NFAT5: variants seen among roughly 807,000 people sequenced by gnomAD.
NFAT5 encodes nuclear factor of activated T-cells 5.
In NFAT5, 31 loss-of-function variants were observed where a neutral mutation model predicts 166.5. That is an observed-to-expected ratio of 0.19 (90% CI 0.14 to 0.25). NFAT5 has a LOEUF of 0.25. NFAT5 is among the 10% of genes least tolerant of loss of function. The pLI, the probability that NFAT5 is intolerant of heterozygous loss-of-function variation, is 1.00. For missense variants in NFAT5, 1,449 were observed against 1,821.8 expected (o/e 0.80, Z 3.72); for synonymous variants, 612 against 639.7 (o/e 0.96, Z 0.65).
chr16:69,700,954 T>TG lies in NFAT5; in HGVS notation c.*4603_*4604insG, dbSNP rs1257113024. On this transcript the variant is annotated 3_prime_UTR_variant, in exon 15 of 15. Coordinates refer to ENST00000349945, the MANE Select transcript of NFAT5 (RefSeq NM_138713.4). Reference sequence around the variant, plus strand: ...CCAGTGCTCTAGTTACTTTACTTCTTTTTTTTTTTTTGAGATGGAGTCTTG... The same window carrying TG: ...CCAGTGCTCTAGTTACTTTACTTCTTGTTTTTTTTTTTGAGATGGAGTCTTG... The TG allele has an allele frequency of 6.8e-6, 1 of 146,402 alleles. No individual in the cohort carries two copies. Among genetic ancestry groups the TG allele is most frequent in the Non-Finnish European group, 1.5e-5 (1 of 66,664 alleles). The allele number at this position is 146,402 out of a possible 1,614,324, so 9.1% of individuals were successfully genotyped here. A position where few individuals can be genotyped will look rare whatever the true frequency, so the allele number is the denominator to read the frequency against.
At chr16:69,634,402 T>A (rs1422263356) in intron 3 of NFAT5, among the ~76,000 whole-genome samples, 1 of 152,114 alleles carries the variant, frequency 6.6e-6, no homozygotes, top group Admixed American at 6.5e-5. Context: ...AATGACTATA[T>A]GAATAAAAGT....
intron 2 of NFAT5, among the ~76,000 whole-genome samples, chr16:69,588,776 A>G (rs979483976): frequency 2.6e-5 from 4 of 152,174 alleles, no homozygotes; most frequent in Non-Finnish European, 5.9e-5. Flanking sequence ...CCTTTGGAAA[A>G]ATCATTTTAG....
At chr16:69,610,036 T>A (rs2151554912) in intron 2 of NFAT5, among the ~76,000 whole-genome samples, 1 of 151,868 alleles carries the variant, frequency 6.6e-6, no homozygotes, top group Non-Finnish European at 1.5e-5. Flanking sequence ...AGAGCGAGTG[T>A]CTTGTTGAGT....
At chr16:69,633,750 TA>T (rs751621116) in intron 3 of NFAT5, among the ~76,000 whole-genome samples, 50 of 152,088 alleles carry the variant, frequency 3.3e-4, no homozygotes, top group Non-Finnish European at 3.4e-4. Context: ...ATAGAAGAAA[TA>T]AGTTCTAGTG....
chr16:69,620,567 C>T (rs978376693), intron 2 of NFAT5, among the ~76,000 whole-genome samples: 5 of 151,986 alleles, frequency 3.3e-5, no homozygotes, highest in African/African-American at 2.4e-5. Flanking sequence ...GACCGCGTCT[C>T]TACAAAAAAA....
chr16:69,626,019 A>G (rs2034442150), intron 2 of NFAT5, among the ~76,000 whole-genome samples: 1 of 148,578 alleles, frequency 6.7e-6, no homozygotes, highest in Non-Finnish European at 1.5e-5. Context: ...TGGCATGATC[A>G]TGGCTCACTG....
Position 69,697,924 on chromosome 16 carries a change from G to A in NFAT5, c.*1573G>A, listed in dbSNP as rs2037812170. On this transcript the variant is annotated 3_prime_UTR_variant, in exon 15 of 15. Transcript: ENST00000349945. ...AAAAAATAACCTGTTAATTGTTGAAGGCTACTTTTCTGTTCTTTTTTTTTT... is the reference window on the plus strand; with the variant it reads ...AAAAAATAACCTGTTAATTGTTGAAAGCTACTTTTCTGTTCTTTTTTTTTT... The A allele has an allele frequency of 6.8e-6, 1 of 147,662 alleles. No individual in the cohort carries two copies. The highest frequency in any genetic ancestry group is 2.5e-5 in the African/African-American group (1 of 40,176). 9.1% of individuals were successfully genotyped at this position (147,662 alleles called of 1,614,324 possible).
Position 69,691,748 on chromosome 16 carries a change from G to T in NFAT5, c.1924-1G>T. The T allele has an allele frequency of 6.3e-7, 1 of 1,584,808 alleles. No individual in the cohort carries two copies. Among genetic ancestry groups the T allele is most frequent in the South Asian group, 1.2e-5 (1 of 85,936 alleles). On this transcript the variant is annotated splice_acceptor_variant, in intron 12 of 14. Transcript: ENST00000349945. LOFTEE classifies it high-confidence loss of function. ...AATATTTGGGGATTTTTATTTTTTA[G>T]ACTACAAAGTCTGTTGGATCAACTC... is the stretch of plus-strand genomic sequence containing the variant.
At chr16:69,590,184 A>G (rs1416720197) in intron 2 of NFAT5, among the ~76,000 whole-genome samples, 10 of 152,152 alleles carry the variant, frequency 6.6e-5, no homozygotes. Context: ...AAATAATAAA[A>G]AAATAAATAA....
chr16:69,651,470 G>C (rs1225698830), intron 4 of NFAT5, among the ~76,000 whole-genome samples: 2 of 152,062 alleles, frequency 1.3e-5, no homozygotes, highest in Non-Finnish European at 2.9e-5. Flanking sequence ...AGCTGGAGGG[G>C]TAAACATTAG....
intron 3 of NFAT5, among the ~76,000 whole-genome samples, chr16:69,643,464 A>C (rs1439934621): frequency 6.6e-6 from 1 of 151,856 alleles, no homozygotes; most frequent in African/African-American, 2.4e-5. Flanking sequence ...TTCATGGTAA[A>C]TTTATGGATA....
chr16:69,668,306 T>C (rs1032240234), intron 7 of NFAT5, among the ~76,000 whole-genome samples: 2 of 152,182 alleles, frequency 1.3e-5, no homozygotes, highest in East Asian at 3.8e-4. Context: ...TGTTTATACA[T>C]TAACAATTTC....
rs367690345 is a variant in NFAT5 at position 69,573,233 on chromosome 16, A to AT, written c.127+4695dup. On this transcript the variant is annotated intron_variant, in intron 2 of 14. Coordinates refer to ENST00000349945, the MANE Select transcript of NFAT5 (RefSeq NM_138713.4). ...ATGAGTTAAGAGAAAATAAACTATG[A>AT]TTTTTTTTTTACTACTGCTAATCTA... 3.6e-3 allele frequency among the ~76,000 whole-genome samples: 543 copies of AT among 150,370 alleles called. 7 individuals are homozygous for AT. Among genetic ancestry groups the AT allele is most frequent in the African/African-American group, 0.012 (495 of 41,048 alleles).
intron 2 of NFAT5, among the ~76,000 whole-genome samples, chr16:69,623,817 T>C (rs1343897395): frequency 6.8e-6 from 1 of 146,032 alleles, no homozygotes; most frequent in Non-Finnish European, 1.5e-5. Flanking sequence ...TCAAGTCTTT[T>C]TTTTTCTTTT....
chr16:69,568,388 A>G (rs1005358599), intron 1 of NFAT5, 107 bp from the exon 2 acceptor site: 7,052 of 402,748 alleles, frequency 0.018, 189 homozygotes, highest in African/African-American at 0.087. Flanking sequence ...ATATATATAT[A>G]TATATACACA....
chr16:69,573,565 A>G (rs1345786457), intron 2 of NFAT5, among the ~76,000 whole-genome samples: 1 of 152,168 alleles, frequency 6.6e-6, no homozygotes, highest in African/African-American at 2.4e-5. Flanking sequence ...TGAAGTTCAA[A>G]CATGTCAAAA....
chr16:69,633,121 A>G (rs934407234), intron 3 of NFAT5, among the ~76,000 whole-genome samples: 2 of 152,220 alleles, frequency 1.3e-5, no homozygotes, highest in Admixed American at 6.5e-5. Flanking sequence ...GACATTGCCA[A>G]AAAGCAAACT....
chr16:69,621,221 T>C (rs1597414326), intron 2 of NFAT5, among the ~76,000 whole-genome samples: 1 of 152,046 alleles, frequency 6.6e-6, no homozygotes, highest in Admixed American at 6.6e-5. Context: ...TGTCTAATTC[T>C]TTCTTGTGCT....
intron 10 of NFAT5, among the ~76,000 whole-genome samples, chr16:69,684,616 C>T (rs947923366): frequency 3.3e-5 from 5 of 151,846 alleles, no homozygotes; most frequent in Non-Finnish European, 7.4e-5. Context: ...CTCCTGACCT[C>T]AAGTGATCAC....
Sources: allele counts gnomAD v4.1 joint callset (sites outside exome capture counted in the v4.1 genomes callset), GRCh38; gene constraint gnomAD v4.1.1; transcripts MANE v1.5; gene names NCBI Gene and HGNC (gene_info 2026-07-23, HGNC 2026-07-21).